Variants in SOAT1 observed in about 807,000 individuals in gnomAD.
SOAT1 encodes sterol O-acyltransferase 1.
Under a neutral mutation model 69.5 loss-of-function variants are expected in SOAT1, and 55 were observed. The observed-to-expected ratio is 0.79, with a 90% CI of 0.64 to 0.99. The LOEUF is 0.99. SOAT1 is among the 50% of genes least tolerant of loss of function. SOAT1 has a pLI of 0.00. For synonymous variants in SOAT1, 231 were observed against 224.7 expected (o/e 1.03, Z -0.25); for missense variants, 580 against 669.3 (o/e 0.87, Z 1.47).
chr1:179,323,540 T>A (rs763283690), intron 3 of SOAT1, 45 bp downstream of exon 3: 3 of 1,527,746 alleles, frequency 2.0e-6, no homozygotes, highest in South Asian at 2.3e-5. Flanking sequence ...GAGTTTTAGA[T>A]AGAATTTTGT....
intron 6 of SOAT1, 82 bp downstream of exon 6, chr1:179,339,627 G>T: frequency 2.6e-6 from 2 of 780,084 alleles, no homozygotes; most frequent in South Asian, 2.0e-5. Flanking sequence ...AGGGTAAATT[G>T]ATTAAATTGC....
chr1:179,306,837 A>AG (rs1264243947), intron 2 of SOAT1, among the ~76,000 whole-genome samples: 1 of 151,330 alleles, frequency 6.6e-6, no homozygotes, highest in East Asian at 1.9e-4. Context: ...TCTCAAAAAA[A>AG]AAAAAAAAAA....
intron 1 of SOAT1, 56 bp from the exon 2 acceptor site, chr1:179,302,621 T>G: frequency 9.9e-7 from 1 of 1,013,102 alleles, no homozygotes; most frequent in Non-Finnish European, 1.4e-6. Context: ...TCTCAGGTAG[T>G]GTATAGCAGT....
In SOAT1 at chr1:179,341,109, G is replaced by A. The variant is rs75102484; in HGVS notation, c.579G>A (p.Leu193=). 2,988 of 1,614,044 alleles carry A rather than the reference G, an allele frequency of 1.9e-3. 51 individuals are homozygous for A. The African/African-American group carries it at 0.035, about 19-fold the overall frequency. Reference sequence around the variant, plus strand: ...TTTGGACCTGGTGGATCATGTTCCTGTCTACATTTTCAGTTCCCTATTTTC... The same window carrying A: ...TTTGGACCTGGTGGATCATGTTCCTATCTACATTTTCAGTTCCCTATTTTC... ...TVVWTWWIMF[L]STFSVPYFLF... Residue 193 remains leucine, a synonymous_variant, in exon 7 of 16, where the codon CTG becomes CTA. Coordinates refer to ENST00000367619, the MANE Select transcript of SOAT1 (RefSeq NM_003101.6).
chr1:179,339,613 G>C (rs1045816758), intron 6 of SOAT1, 68 bp downstream of exon 6: 2 of 1,001,400 alleles, frequency 2.0e-6, no homozygotes, highest in African/African-American at 1.7e-5. Flanking sequence ...CTAAATTTTG[G>C]TAAAGGGTAA....
At chr1:179,346,704 A>G (rs1666544850) in intron 11 of SOAT1, among the ~76,000 whole-genome samples, 1 of 152,136 alleles carries the variant, frequency 6.6e-6, no homozygotes, top group African/African-American at 2.4e-5. Context: ...ATTCTTCTGC[A>G]TTGTAGCATA....
intron 15 of SOAT1, among the ~76,000 whole-genome samples, chr1:179,353,208 A>AATATATATATATATATATATATAAAT (rs200860761): frequency 6.1e-4 from 5 of 8,208 alleles, no homozygotes; most frequent in African/African-American, 2.0e-3. Flanking sequence ...GTTATATATA[A>AATATATATATATATATATATATAAAT]ATATATATAT....
chr1:179,299,827 C>T (rs1450245752), intron 1 of SOAT1, among the ~76,000 whole-genome samples: 1 of 135,482 alleles, frequency 7.4e-6, no homozygotes. Context: ...GATCTCAGCT[C>T]ACTGCAAGCT....
intron 11 of SOAT1, among the ~76,000 whole-genome samples, chr1:179,346,157 T>C (rs1174957676): frequency 2.0e-5 from 3 of 152,148 alleles, no homozygotes; most frequent in African/African-American, 4.8e-5. Flanking sequence ...CCAGGACTTA[T>C]TTGAATGAAC....
chr1:179,317,476 T>A (rs1248426179), intron 2 of SOAT1, among the ~76,000 whole-genome samples: 3 of 143,258 alleles, frequency 2.1e-5, no homozygotes, highest in Non-Finnish European at 4.5e-5. Context: ...GAGCTTGCAG[T>A]GAGCCGAGAT....
intron 1 of SOAT1, among the ~76,000 whole-genome samples, chr1:179,298,431 T>A (rs1664726902): frequency 6.6e-6 from 1 of 152,128 alleles, no homozygotes; most frequent in African/African-American, 2.4e-5. Context: ...AGTAGCTTGA[T>A]GGTTGAGGAA....
At position 179,340,237 on chromosome 1, in the gene SOAT1, G is replaced by A. The variant is rs137908266; in HGVS notation, c.497+692G>A. ...AGGCCAGGCATGGTTGCTTGTGCCT[G>A]TAATCTCAGCACTTTGGGAGGCCGA... is the stretch of plus-strand genomic sequence containing the variant. On this transcript the variant is annotated intron_variant, in intron 6 of 15. Coordinates refer to ENST00000367619, the MANE Select transcript of SOAT1 (RefSeq NM_003101.6). Among the ~76,000 whole-genome samples the A allele has an allele frequency of 2.5e-3, 379 of 152,308 alleles. 2 individuals are homozygous for A. The highest frequency in any genetic ancestry group is 8.7e-3 in the African/African-American group (361 of 41,568).
intron 3 of SOAT1, among the ~76,000 whole-genome samples, chr1:179,333,131 G>C (rs887211966): frequency 1.3e-5 from 2 of 152,130 alleles, no homozygotes; most frequent in Non-Finnish European, 2.9e-5. Flanking sequence ...AATTTTTATT[G>C]TACATTGTTT....
chr1:179,299,629 A>G (rs1215321561), intron 1 of SOAT1, among the ~76,000 whole-genome samples: 1 of 152,040 alleles, frequency 6.6e-6, no homozygotes, highest in Non-Finnish European at 1.5e-5. Context: ...CATAAGCACT[A>G]AAAAAAATCA....
At chr1:179,304,280 CT>C (rs369740783) in intron 2 of SOAT1, among the ~76,000 whole-genome samples, 2,470 of 137,810 alleles carry the variant, frequency 0.018, 57 homozygotes, top group African/African-American at 0.053. Context: ...TCTTTCTCTC[CT>C]TTTTTTTTTT....
intron 1 of SOAT1, among the ~76,000 whole-genome samples, chr1:179,301,231 C>A (rs1417060765): frequency 2.6e-5 from 4 of 152,220 alleles, no homozygotes; most frequent in Non-Finnish European, 5.9e-5. Flanking sequence ...CCATGCCCAA[C>A]TAGGGAAACA....
chr1:179,328,145 G>A (rs1665851560), intron 3 of SOAT1, among the ~76,000 whole-genome samples: 1 of 152,078 alleles, frequency 6.6e-6, no homozygotes. Flanking sequence ...TGTTGCCCAG[G>A]CTGGTCTCAA....
chr1:179,321,515 A>G (rs1665602333), intron 2 of SOAT1, among the ~76,000 whole-genome samples: 1 of 152,190 alleles, frequency 6.6e-6, no homozygotes, highest in African/African-American at 2.4e-5. Flanking sequence ...AAGACTGTAT[A>G]ACATAATGAT....
chr1:179,307,024 T>C (rs1665032239), intron 2 of SOAT1, among the ~76,000 whole-genome samples: 1 of 152,126 alleles, frequency 6.6e-6, no homozygotes, highest in Non-Finnish European at 1.5e-5. Context: ...TAATGTTAAA[T>C]GAAAGACGAC....
Sources: gnomAD v4.1 joint callset for allele counts (sites outside exome capture counted in the v4.1 genomes callset) on GRCh38, gnomAD v4.1.1 for gene constraint, MANE v1.5 for transcripts, NCBI Gene and HGNC (gene_info 2026-07-23, HGNC 2026-07-21) for gene names.